The following HEG1 variants were observed in gnomAD, a reference collection of about 807,000 sequenced individuals.
HEG1 encodes protein HEG homolog 1.
Under a neutral mutation model 125.6 loss-of-function variants are expected in HEG1, and 56 were observed. That is an observed-to-expected ratio of 0.45 (90% CI 0.36 to 0.56). The LOEUF is 0.56. Ranked by LOEUF, HEG1 falls within the 20% of genes least tolerant of loss-of-function variation. HEG1 has a pLI of 0.00. For synonymous variants in HEG1, 644 were observed against 668.5 expected, an observed-to-expected ratio of 0.96 and a Z score of 0.57; for missense variants, 1,523 against 1,670.0, an observed-to-expected ratio of 0.91 and a Z score of 1.53.
chr3:125,045,637 G>A (rs1937651465), intron 1 of HEG1, among the ~76,000 whole-genome samples: 1 of 152,176 alleles, frequency 6.6e-6, no homozygotes, highest in African/African-American at 2.4e-5. Context: ...TCTCAGCAAT[G>A]TTCTCCCTTT....
At position 124,970,755 on chromosome 3, in the gene HEG1, G is replaced by A. The variant is rs765669476; in HGVS notation, c.4043C>T (p.Pro1348Leu). 1.9e-5 allele frequency: 31 copies of A among 1,609,880 alleles called. No homozygotes were observed. In the Middle Eastern group the frequency reaches 4.9e-4, roughly 26 times the overall value. ...TGATCCTGGCAGTCCAGTGTAGGCCGGGTAGAGTCCGTTTCGTTCAAGTTC... is the reference window on the plus strand; with the variant it reads ...TGATCCTGGCAGTCCAGTGTAGGCCAGGTAGAGTCCGTTTCGTTCAAGTTC... ...NPELERNGLY[P>L]AYTGLPGSRH... Residue 1348 changes from proline (P) to leucine (L), a missense_variant, in exon 17 of 17, where the codon CCG (proline) becomes CTG (leucine). Physicochemically the swap from Pro to Leu is moderately conservative, Grantham distance 98 (BLOSUM62 -3). Coordinates refer to ENST00000311127, the MANE Select transcript of HEG1 (RefSeq NM_020733.2).
chr3:125,010,260 C>T (rs578091999), intron 7 of HEG1, among the ~76,000 whole-genome samples, 179 bp downstream of exon 7: 19 of 152,282 alleles, frequency 1.2e-4, no homozygotes, highest in African/African-American at 4.6e-4. Flanking sequence ...CTGGCAGTGC[C>T]ACACTACAGT....
intron 15 of HEG1, 37 bp from the exon 16 acceptor site, chr3:124,973,942 G>T (rs775377404): frequency 2.2e-6 from 3 of 1,384,058 alleles, no homozygotes; most frequent in Non-Finnish European, 3.0e-6. Flanking sequence ...GCTCAATTCC[G>T]TAAAGAAGTG....
chr3:125,020,710 A>C (rs911404287), intron 4 of HEG1, 82 bp downstream of exon 4: 18 of 1,135,320 alleles, frequency 1.6e-5, no homozygotes, highest in African/African-American at 3.1e-5. Flanking sequence ...TGGAGATTAC[A>C]AATGGTCTTG....
At chr3:125,036,371 G>A (rs1937547955) in intron 1 of HEG1, among the ~76,000 whole-genome samples, 1 of 151,918 alleles carries the variant, frequency 6.6e-6, no homozygotes, top group African/African-American at 2.4e-5. Flanking sequence ...TAGAGATATG[G>A]AAAAAATTAC....
Position 125,009,791 on chromosome 3 carries a change from G to A in HEG1, c.3107C>T (p.Ser1036Phe). Residue 1036 changes from serine (S) to phenylalanine (F), a missense_variant, in exon 8 of 17, where the codon TCC (serine) becomes TTC (phenylalanine). Physicochemically the swap from Ser to Phe is radical, Grantham distance 155 (BLOSUM62 -2). Transcript: ENST00000311127. ...VNECLSNPCP[S>F]TAMCNNTQGS... ...CTGAGTATTGTTGCACATGGCTGTG[G>A]ATGGGCAGGGGTTCGACAGGCACTC... is the stretch of plus-strand genomic sequence containing the variant. 3 of 1,613,616 alleles carry A rather than the reference G, an allele frequency of 1.9e-6. No individual in the cohort carries two copies.
rs1466140025 is a variant in HEG1 at position 124,968,744 on chromosome 3, A to G, written c.*1908T>C. The G allele has an allele frequency of 6.6e-6, 1 of 152,238 alleles. No homozygotes were observed. Among genetic ancestry groups the G allele is most frequent in the Non-Finnish European group, 1.5e-5 (1 of 68,056 alleles). 9.4% of individuals were successfully genotyped at this position (152,238 alleles called of 1,614,324 possible). ...GCCAAGAAGCCTAGTCTGTGGGCTC[A>G]GGTGAGCTGCAGGAGCTCAGAACTC... On this transcript the variant is annotated 3_prime_UTR_variant, in exon 17 of 17. Transcript: ENST00000311127.
intron 4 of HEG1, among the ~76,000 whole-genome samples, chr3:125,020,309 C>T (rs1012103489): frequency 2.6e-5 from 4 of 152,108 alleles, no homozygotes; most frequent in Non-Finnish European, 4.4e-5. Flanking sequence ...ACCTGTAGTC[C>T]CAGCTACTCT....
At chr3:125,008,712 G>A (rs1235259669) in intron 8 of HEG1, among the ~76,000 whole-genome samples, 12 of 152,316 alleles carry the variant, frequency 7.9e-5, no homozygotes, top group African/African-American at 2.4e-4. Flanking sequence ...CATGAAAATC[G>A]CTTGAACCTG....
At chr3:124,988,674 T>A (rs1478711140) in intron 14 of HEG1, among the ~76,000 whole-genome samples, 1 of 152,140 alleles carries the variant, frequency 6.6e-6, no homozygotes, top group Non-Finnish European at 1.5e-5. Flanking sequence ...ATCCCAGCAC[T>A]TTGGGAGGCC....
intron 1 of HEG1, among the ~76,000 whole-genome samples, chr3:125,040,911 T>C (rs1937589138): frequency 6.6e-6 from 1 of 152,208 alleles, no homozygotes; most frequent in African/African-American, 2.4e-5. Context: ...TTTCACAGGA[T>C]AATTTCATGG....
chr3:125,017,291 GT>G (rs1402138961), intron 5 of HEG1, among the ~76,000 whole-genome samples: 1 of 152,196 alleles, frequency 6.6e-6, no homozygotes, highest in East Asian at 1.9e-4. Flanking sequence ...CTGACCTCAA[GT>G]GATTCACCCG....
In HEG1 at chr3:125,037,888, T is replaced by C. The variant is rs145543453; in HGVS notation, c.317-8400A>G. On this transcript the variant is annotated intron_variant, in intron 1 of 16. Transcript: ENST00000311127. ...TTAAGTGAGATCCTTAATTGCTTCA[T>C]GCCCCAGCTTGCCTTCTGTAAAATG... Among the ~76,000 whole-genome samples the C allele has an allele frequency of 6.9e-4, 105 of 152,356 alleles. 1 individual carries two copies. The East Asian group carries it at 0.018, about 26-fold the overall frequency.
chr3:125,013,965 C>T lies in HEG1; in HGVS notation c.1614G>A (p.Val538=), dbSNP rs1937203635. 1.2e-6 allele frequency: 2 copies of T among 1,610,904 alleles called. No individual in the cohort carries two copies. The highest frequency in any genetic ancestry group is 1.7e-6 in the Non-Finnish European group (2 of 1,178,920). The change falls in exon 6 of 17, where the codon GTG becomes GTA. Residue 538 remains valine, a synonymous_variant. Transcript: ENST00000311127. Reference sequence around the variant, plus strand: ...TCCTTTGTTCAATAGCTGTGCCACGCACTTGACCGTAGCTAATCCCAGCGA... The same window carrying T: ...TCCTTTGTTCAATAGCTGTGCCACGTACTTGACCGTAGCTAATCCCAGCGA... ...RSIAGISYGQ[V]RGTAIEQRTS...
chr3:125,031,185 C>A (rs1418412792), intron 1 of HEG1, among the ~76,000 whole-genome samples: 4 of 152,118 alleles, frequency 2.6e-5, no homozygotes, highest in African/African-American at 9.7e-5. Context: ...CAAGTCACGT[C>A]CAAGAAAGCT....
intron 16 of HEG1, chr3:124,971,075 G>T (rs558556875): frequency 1.1e-5 from 6 of 545,710 alleles, no homozygotes; most frequent in Middle Eastern, 2.8e-4. Flanking sequence ...CTAGTTGCAG[G>T]TGGAGTTAGG....
intron 14 of HEG1, among the ~76,000 whole-genome samples, chr3:124,981,804 C>T (rs1936658888): frequency 6.6e-6 from 1 of 152,154 alleles, no homozygotes; most frequent in South Asian, 2.1e-4. Flanking sequence ...TTGCTTTCTT[C>T]TTTGTGCTTT....
intron 16 of HEG1, chr3:124,971,009 G>A (rs1227751837): frequency 1.6e-6 from 1 of 625,862 alleles, no homozygotes; most frequent in East Asian, 3.0e-5. Context: ...CAGCAACCAT[G>A]CAGAAGGCAA....
At position 125,020,841 on chromosome 3, in the gene HEG1, T is replaced by C; in HGVS notation, c.1203A>G (p.Thr401=). The change falls in exon 4 of 17, where the codon ACA becomes ACG. Residue 401 remains threonine, a synonymous_variant. Transcript: ENST00000311127. Reference sequence around the variant, plus strand: ...AAGACGTAAGTCCAAATTCATTTTCTGTGGATGGTTCAATGAATTCCTCAT... The same window carrying C: ...AAGACGTAAGTCCAAATTCATTTTCCGTGGATGGTTCAATGAATTCCTCAT... ...PGDEEFIEPS[T]ENEFGLTSLR... is the part of the protein sequence containing the mutation. The C allele has an allele frequency of 6.2e-7, 1 of 1,614,016 alleles. No individual in the cohort carries two copies. Among genetic ancestry groups the C allele is most frequent in the Non-Finnish European group, 8.5e-7 (1 of 1,179,880 alleles).
Sources: allele counts gnomAD v4.1 joint callset (sites outside exome capture counted in the v4.1 genomes callset), GRCh38; gene constraint gnomAD v4.1.1; transcripts MANE v1.5; gene names NCBI Gene and HGNC (gene_info 2026-07-23, HGNC 2026-07-21).